NEGR1: variants seen among roughly 807,000 people sequenced by gnomAD.
The protein encoded by NEGR1 is neuronal growth regulator 1, also known as IgLON family member 4.
NEGR1 carries 10 observed loss-of-function variants against 40.9 expected under a neutral mutation model. The observed-to-expected ratio is 0.24, with a 90% CI of 0.15 to 0.42. NEGR1 has a LOEUF of 0.42. Ranked by LOEUF, NEGR1 falls within the 10% of genes least tolerant of loss-of-function variation. The pLI, the probability that NEGR1 is intolerant of heterozygous loss-of-function variation, is 1.00. For synonymous variants in NEGR1, 185 were observed against 166.8 expected (o/e 1.11, Z -0.84); for missense variants, 352 against 438.9 (o/e 0.80, Z 1.77).
At chr1:72,091,639 T>C (rs76996545) in intron 1 of NEGR1, among the ~76,000 whole-genome samples, 2,266 of 152,150 alleles carry the variant, frequency 0.015, 47 homozygotes, top group African/African-American at 0.051. Context: ...TGATTTTGCT[T>C]GGATGGAGGG....
chr1:72,237,303 T>G (rs576770606), intron 1 of NEGR1, among the ~76,000 whole-genome samples: 1 of 152,128 alleles, frequency 6.6e-6, no homozygotes, highest in African/African-American at 2.4e-5. Flanking sequence ...CAGAGAATCA[T>G]ATATTTTAAA....
At chr1:71,816,923 C>CT (rs1448952853) in intron 2 of NEGR1, among the ~76,000 whole-genome samples, 1 of 143,552 alleles carries the variant, frequency 7.0e-6, no homozygotes, top group Non-Finnish European at 1.5e-5. Flanking sequence ...CTGTCACTTC[C>CT]TTTTTTTCTC....
intron 2 of NEGR1, among the ~76,000 whole-genome samples, chr1:71,787,921 A>C (rs551806298): frequency 1.3e-5 from 2 of 152,158 alleles, no homozygotes; most frequent in Non-Finnish European, 2.9e-5. Flanking sequence ...AAAGTTGTAC[A>C]TTATCACACT....
intron 1 of NEGR1, among the ~76,000 whole-genome samples, chr1:72,103,791 T>C (rs1485588849): frequency 6.6e-6 from 1 of 151,850 alleles, no homozygotes; most frequent in African/African-American, 2.4e-5. Flanking sequence ...AGTAGGGAAG[T>C]GGGGTGTTGA....
chr1:72,185,720 T>G (rs1652587990), intron 1 of NEGR1, among the ~76,000 whole-genome samples: 1 of 151,882 alleles, frequency 6.6e-6, no homozygotes, highest in Non-Finnish European at 1.5e-5. Flanking sequence ...TGAAAAGCAG[T>G]GTCTTGTGGA....
In NEGR1 at chr1:72,089,154, A is replaced by T. The variant is rs925456022; in HGVS notation, c.177-153843T>A. Among the ~76,000 whole-genome samples, 5 of 152,238 alleles carry T rather than the reference A, an allele frequency of 3.3e-5. No homozygotes were observed. The East Asian group carries it at 5.8e-4, about 18-fold the overall frequency. ...GCTCTTAGAGGATGCTGATCATCCAATGGACCATCCAATGTTTTGCCAAGA... is the reference window on the plus strand; with the variant it reads ...GCTCTTAGAGGATGCTGATCATCCATTGGACCATCCAATGTTTTGCCAAGA... On this transcript the variant is annotated intron_variant, in intron 1 of 6. Coordinates refer to ENST00000357731, the MANE Select transcript of NEGR1 (RefSeq NM_173808.3).
chr1:71,431,333 A>G (rs1360233894), intron 6 of NEGR1, among the ~76,000 whole-genome samples: 2 of 152,150 alleles, frequency 1.3e-5, no homozygotes, highest in African/African-American at 4.8e-5. Flanking sequence ...TTTTCTAGCA[A>G]AGTGTACAAT....
chr1:72,185,704 C>G (rs1652587300), intron 1 of NEGR1, among the ~76,000 whole-genome samples: 1 of 151,844 alleles, frequency 6.6e-6, no homozygotes, highest in African/African-American at 2.4e-5. Context: ...ACATCAGAAC[C>G]TGAGTTGAAA....
intron 4 of NEGR1, among the ~76,000 whole-genome samples, chr1:71,658,900 G>C (rs1188258951): frequency 6.6e-6 from 1 of 152,136 alleles, no homozygotes; most frequent in Non-Finnish European, 1.5e-5. Flanking sequence ...ACTAAAATGT[G>C]AAGTAAGGAG....
intron 1 of NEGR1, among the ~76,000 whole-genome samples, chr1:72,124,978 T>G (rs900948984): frequency 6.6e-6 from 1 of 152,068 alleles, no homozygotes; most frequent in African/African-American, 2.4e-5. Context: ...TGATAAAAAT[T>G]TTATGGCGTA....
intron 1 of NEGR1, among the ~76,000 whole-genome samples, chr1:72,034,936 G>A (rs1646889501): frequency 6.6e-6 from 1 of 152,102 alleles, no homozygotes; most frequent in Admixed American, 6.6e-5. Flanking sequence ...CTGGAAGCCA[G>A]GTACATTCAA....
intron 1 of NEGR1, among the ~76,000 whole-genome samples, chr1:72,106,661 G>A (rs568973172): frequency 6.6e-6 from 1 of 151,932 alleles, no homozygotes; most frequent in African/African-American, 2.4e-5. Flanking sequence ...ATAGAAATTT[G>A]ACTAAGGAAG....
chr1:71,440,387 T>C (rs954076102), intron 6 of NEGR1, among the ~76,000 whole-genome samples: 3 of 152,226 alleles, frequency 2.0e-5, no homozygotes, highest in African/African-American at 7.2e-5. Context: ...TGCTATTTGA[T>C]GAATATGGTT....
At chr1:72,256,444 T>G (rs1474634670) in intron 1 of NEGR1, among the ~76,000 whole-genome samples, 1 of 152,234 alleles carries the variant, frequency 6.6e-6, no homozygotes, top group Non-Finnish European at 1.5e-5. Flanking sequence ...GATTGTGCTT[T>G]TTGTTTATTT....
chr1:72,091,306 TC>T (rs1557521855), intron 1 of NEGR1, among the ~76,000 whole-genome samples: 1 of 152,108 alleles, frequency 6.6e-6, no homozygotes, highest in East Asian at 1.9e-4. Context: ...TTCTTATTTA[TC>T]AGATTCTTTT....
chr1:71,751,582 A>G (rs1655571852), intron 3 of NEGR1, among the ~76,000 whole-genome samples: 1 of 152,106 alleles, frequency 6.6e-6, no homozygotes, highest in African/African-American at 2.4e-5. Context: ...TTCTCTACCC[A>G]TTGGATGTTA....
At chr1:72,273,267 G>C (rs909442060) in intron 1 of NEGR1, among the ~76,000 whole-genome samples, 1 of 152,064 alleles carries the variant, frequency 6.6e-6, no homozygotes, top group Admixed American at 6.6e-5. Flanking sequence ...CATATTAACA[G>C]CAAATTCTTT....
intron 1 of NEGR1, among the ~76,000 whole-genome samples, chr1:71,980,604 A>C: frequency 6.6e-6 from 1 of 152,180 alleles, no homozygotes; most frequent in East Asian, 1.9e-4. Context: ...CCTTTAATGT[A>C]ACCAGATCCA....
chr1:72,269,713 G>C (rs1439024421), intron 1 of NEGR1, among the ~76,000 whole-genome samples: 3 of 151,416 alleles, frequency 2.0e-5, no homozygotes, highest in Non-Finnish European at 4.4e-5. Flanking sequence ...GTTATCAATA[G>C]CTTGTAATCA....
Sources: gnomAD v4.1 joint callset for allele counts (sites outside exome capture counted in the v4.1 genomes callset) on GRCh38, gnomAD v4.1.1 for gene constraint, MANE v1.5 for transcripts, NCBI Gene and HGNC (gene_info 2026-07-23, HGNC 2026-07-21) for gene names.